The following MYO16 variants were observed in gnomAD, a reference collection of about 807,000 sequenced individuals.
MYO16 encodes unconventional myosin-XVI.
Under a neutral mutation model 205.3 loss-of-function variants are expected in MYO16, and 94 were observed. The observed-to-expected ratio is 0.46, with a 90% CI of 0.39 to 0.54. The LOEUF is 0.54. Ranked by LOEUF, MYO16 falls within the 20% of genes least tolerant of loss-of-function variation. The pLI is 0.00. For synonymous variants in MYO16, 988 were observed against 954.0 expected (o/e 1.04, Z -0.66); for missense variants, 2,315 against 2,387.5 (o/e 0.97, Z 0.63).
chr13:108,550,022 A>T, the MYO16 span, among the ~76,000 whole-genome samples: 1 of 152,212 alleles, frequency 6.6e-6, no homozygotes, highest in Admixed American at 6.5e-5. Flanking sequence ...GCTCTATTTC[A>T]TCTCCATAAT....
chr13:108,595,731 G>T (rs532511708), upstream of MYO16, among the ~76,000 whole-genome samples: 35 of 152,148 alleles, frequency 2.3e-4, 1 homozygote, highest in Non-Finnish European at 4.3e-4. Flanking sequence ...TCTTCTGTCT[G>T]CCCAGCTTCA....
At chr13:109,186,071 C>T (rs1879674350) in intron 34 of MYO16, among the ~76,000 whole-genome samples, 1 of 152,044 alleles carries the variant, frequency 6.6e-6, no homozygotes, top group South Asian at 2.1e-4. Flanking sequence ...GAGGCTGAGG[C>T]AAGAGGATCA....
chr13:108,528,354 G>T, the MYO16 span, among the ~76,000 whole-genome samples: 9 of 152,124 alleles, frequency 5.9e-5, no homozygotes, highest in Non-Finnish European at 1.2e-4. Context: ...TGGCTGTGAG[G>T]ATAGAATTTG....
intron 27 of MYO16, among the ~76,000 whole-genome samples, chr13:109,075,616 T>G (rs1185088870): frequency 3.9e-5 from 6 of 152,070 alleles, no homozygotes; most frequent in Non-Finnish European, 7.4e-5. Context: ...CCTCGTGATC[T>G]GCCTGCCCAA....
the MYO16 span, among the ~76,000 whole-genome samples, chr13:108,586,288 T>C: frequency 2.0e-5 from 3 of 152,326 alleles, no homozygotes; most frequent in South Asian, 6.2e-4. Flanking sequence ...ATGATAATTT[T>C]ACACTGAATA....
At chr13:108,927,494 G>GT (rs1315888929) in intron 16 of MYO16, among the ~76,000 whole-genome samples, 2 of 152,170 alleles carry the variant, frequency 1.3e-5, no homozygotes, top group Non-Finnish European at 2.9e-5. Context: ...ATTAGGTGCA[G>GT]TGGGAGCCAC....
chr13:109,140,418 G>A lies in MYO16; in HGVS notation c.4206G>A (p.Pro1402=), dbSNP rs1876992986. Reference sequence around the variant, plus strand: ...GGGACGCGAGGCCCGCGGGCGCCCCGGGGGCAGCAGCGCGCGTTCTGACCC... The same window carrying A: ...GGGACGCGAGGCCCGCGGGCGCCCCAGGGGCAGCAGCGCGCGTTCTGACCC... ...RPGDARPAGA[P]GAAARVLTPG... is the part of the protein sequence containing the mutation. The change falls in exon 32 of 35, where the codon CCG becomes CCA. Residue 1402 remains proline (P), a synonymous_variant. Transcript: ENST00000457511. The surrounding 1 kb of genome is among the most constrained non-coding windows in gnomAD (Gnocchi z 8.0). The A allele has an allele frequency of 1.9e-6, 3 of 1,571,966 alleles. No individual in the cohort carries two copies. Among genetic ancestry groups the A allele is most frequent in the Non-Finnish European group, 2.6e-6 (3 of 1,165,772 alleles).
intron 27 of MYO16, among the ~76,000 whole-genome samples, chr13:109,063,711 T>G (rs1292117943): frequency 7.2e-5 from 11 of 152,204 alleles, no homozygotes; most frequent in Non-Finnish European, 1.3e-4. Flanking sequence ...TGTGTTCATT[T>G]GGTGTCAATA....
intron 27 of MYO16, among the ~76,000 whole-genome samples, chr13:109,077,319 C>A (rs1389509326): frequency 6.6e-6 from 1 of 152,136 alleles, no homozygotes; most frequent in Admixed American, 6.6e-5. Context: ...TGTGCCCAGC[C>A]TGTATAGACA....
At chr13:108,525,714 T>A in the MYO16 span, among the ~76,000 whole-genome samples, 7 of 152,204 alleles carry the variant, frequency 4.6e-5, no homozygotes, top group Non-Finnish European at 1.0e-4. Context: ...TCTGGTGGCC[T>A]AGCATGCCAG....
chr13:108,709,144 G>A (rs895186357), intron 2 of MYO16, among the ~76,000 whole-genome samples: 1 of 152,102 alleles, frequency 6.6e-6, no homozygotes, highest in Non-Finnish European at 1.5e-5. Context: ...CCAGATGGCT[G>A]TTTTCCTTAG....
At chr13:108,931,677 T>A (rs551425318) in intron 16 of MYO16, among the ~76,000 whole-genome samples, 9 of 152,196 alleles carry the variant, frequency 5.9e-5, no homozygotes, top group Non-Finnish European at 1.0e-4. Flanking sequence ...CCTGGCACCA[T>A]CATTCACACA....
At chr13:108,697,522 AC>A (rs1373984966) in intron 2 of MYO16, among the ~76,000 whole-genome samples, 3 of 152,228 alleles carry the variant, frequency 2.0e-5, no homozygotes, top group Non-Finnish European at 4.4e-5. Flanking sequence ...CTAATGTAGA[AC>A]AAAGGCATTA....
chr13:108,871,058 T>G (rs1207118383), intron 12 of MYO16, among the ~76,000 whole-genome samples: 1 of 152,212 alleles, frequency 6.6e-6, no homozygotes, highest in Non-Finnish European at 1.5e-5. Context: ...TGTTTCTCTT[T>G]GACCACAGTC....
chr13:108,788,652 C>A (rs1018599304), intron 5 of MYO16, among the ~76,000 whole-genome samples: 1 of 152,092 alleles, frequency 6.6e-6, no homozygotes, highest in Non-Finnish European at 1.5e-5. Flanking sequence ...TTATTGAGTT[C>A]CTAGTATCCT....
intron 27 of MYO16, among the ~76,000 whole-genome samples, chr13:109,064,285 A>G (rs1444572137): frequency 6.6e-6 from 1 of 152,162 alleles, no homozygotes; most frequent in African/African-American, 2.4e-5. Flanking sequence ...CTTAGACCAT[A>G]AAAGGGGTTT....
the MYO16 span, among the ~76,000 whole-genome samples, chr13:108,536,318 C>G: frequency 2.6e-5 from 4 of 152,052 alleles, no homozygotes; most frequent in Non-Finnish European, 1.5e-5. Context: ...GCAGTGACTA[C>G]CCTGGACATT....
intron 1 of MYO16, among the ~76,000 whole-genome samples, chr13:108,635,507 A>ATT (rs72321840): frequency 3.3e-4 from 47 of 143,710 alleles, no homozygotes; most frequent in Middle Eastern, 3.6e-3. Context: ...TTACCTATTT[A>ATT]TTTTTTTTTT....
chr13:108,871,606 C>T (rs550491848), intron 12 of MYO16, among the ~76,000 whole-genome samples: 6 of 152,262 alleles, frequency 3.9e-5, no homozygotes, highest in Admixed American at 3.9e-4. Context: ...TTACGGGTCT[C>T]AGGTGGAAAG....
Sources: allele counts gnomAD v4.1 joint callset (sites outside exome capture counted in the v4.1 genomes callset), GRCh38; gene constraint gnomAD v4.1.1; non-coding constraint Gnocchi (gnomAD v3.1); transcripts MANE v1.5; gene names NCBI Gene and HGNC (gene_info 2026-07-23, HGNC 2026-07-21).